CSMD3: variants seen among roughly 807,000 people sequenced by gnomAD.
CSMD3 encodes the protein CUB and sushi domain-containing protein 3.
CSMD3 carries 177 observed loss-of-function variants against 435.2 expected under a neutral mutation model. The observed-to-expected ratio is 0.41, with a 90% CI of 0.36 to 0.46. CSMD3 has a LOEUF of 0.46. Ranked by LOEUF, CSMD3 falls within the 20% of genes least tolerant of loss-of-function variation. The probability of loss-of-function intolerance (pLI) is 0.34; values close to 1 mark genes in which losing one functional copy is unlikely to be tolerated. For synonymous variants in CSMD3, 1,656 were observed against 1,520.5 expected (o/e 1.09, Z -2.07); for missense variants, 4,265 against 4,504.6 (o/e 0.95, Z 1.52).
chr8:112,246,884 T>C (rs1240990602), intron 64 of CSMD3, 136 bp downstream of exon 64: 1 of 705,076 alleles, frequency 1.4e-6, no homozygotes, highest in Non-Finnish European at 2.5e-6. Flanking sequence ...AATAAAATTA[T>C]ATGCATATAA....
At chr8:112,674,044 T>C (rs1007242142) in intron 16 of CSMD3, among the ~76,000 whole-genome samples, 7 of 152,102 alleles carry the variant, frequency 4.6e-5, no homozygotes, top group Non-Finnish European at 1.0e-4. Flanking sequence ...ACTTCTAGTA[T>C]TTAAAAACTT....
At chr8:113,241,147 G>C (rs2093210811) in intron 3 of CSMD3, among the ~76,000 whole-genome samples, 1 of 152,090 alleles carries the variant, frequency 6.6e-6, no homozygotes, top group South Asian at 2.1e-4. Context: ...CTAGAATAAT[G>C]TAAGAAATAT....
chr8:113,122,308 C>A (rs2091007416), intron 4 of CSMD3, among the ~76,000 whole-genome samples: 1 of 152,014 alleles, frequency 6.6e-6, no homozygotes, highest in African/African-American at 2.4e-5. Context: ...CCCAATTACA[C>A]TATGAAAAAG....
intron 1 of CSMD3, among the ~76,000 whole-genome samples, chr8:113,315,534 T>C (rs2093902643): frequency 6.6e-6 from 1 of 151,178 alleles, no homozygotes; most frequent in African/African-American, 2.4e-5. Context: ...TGGAGATACC[T>C]AGAAAACTTA....
chr8:112,351,933 C>A (rs1326390899), intron 39 of CSMD3, among the ~76,000 whole-genome samples: 1 of 151,820 alleles, frequency 6.6e-6, no homozygotes, highest in African/African-American at 2.4e-5. Context: ...TACATAAAAT[C>A]AGAATATACA....
intron 5 of CSMD3, among the ~76,000 whole-genome samples, chr8:113,069,940 GC>G: frequency 6.6e-6 from 1 of 152,192 alleles, no homozygotes; most frequent in East Asian, 1.9e-4. Flanking sequence ...CAAGAGAGGA[GC>G]CAACACTGCA....
intron 3 of CSMD3, among the ~76,000 whole-genome samples, chr8:113,260,892 A>G (rs1330765496): frequency 6.6e-6 from 1 of 152,130 alleles, no homozygotes; most frequent in Admixed American, 6.5e-5. Flanking sequence ...TGTCCCTGCA[A>G]AGGACCTGAA....
chr8:113,268,978 T>C (rs973937025), intron 3 of CSMD3, among the ~76,000 whole-genome samples: 4 of 152,142 alleles, frequency 2.6e-5, no homozygotes, highest in African/African-American at 7.2e-5. Context: ...GGGCAAAAGC[T>C]ATCATGAATT....
In CSMD3 at chr8:112,304,716, C is replaced by T; in HGVS notation, c.8266+5G>A. The T allele has an allele frequency of 6.2e-7, 1 of 1,607,568 alleles. No individual in the cohort carries two copies. Among genetic ancestry groups the T allele is most frequent in the Non-Finnish European group, 8.5e-7 (1 of 1,174,098 alleles). On this transcript the variant is annotated splice_donor_5th_base_variant and intron_variant, in intron 52 of 70. Coordinates refer to ENST00000297405, the MANE Select transcript of CSMD3 (RefSeq NM_198123.2). ...TGAAATAAGTTTAGCAGAGTGTATA[C>T]TTACTTTGGCAATATGGTCTTTCAT...
At chr8:112,234,678 C>A (rs1165800504) in intron 67 of CSMD3, among the ~76,000 whole-genome samples, 1 of 152,106 alleles carries the variant, frequency 6.6e-6, no homozygotes, top group East Asian at 1.9e-4. Context: ...CTTCTGAAAT[C>A]CTCAACTTAT....
Position 112,840,744 on chromosome 8 carries a change from A to T in CSMD3, c.1756-10955T>A, listed in dbSNP as rs546038555. 1.3e-4 allele frequency among the ~76,000 whole-genome samples: 19 copies of T among 151,814 alleles called. No homozygotes were observed. The South Asian group carries it at 3.9e-3, about 32-fold the overall frequency. On this transcript the variant is annotated intron_variant, in intron 11 of 70. Coordinates refer to ENST00000297405, the MANE Select transcript of CSMD3 (RefSeq NM_198123.2). ...AAAAAAAGAGTGAGGAAAGGTAGCT[A>T]TACTACTGTTTCCTATTTTGTGAAC...
intron 22 of CSMD3, among the ~76,000 whole-genome samples, chr8:112,607,985 C>T (rs1448298269): frequency 1.3e-5 from 2 of 152,030 alleles, no homozygotes; most frequent in Non-Finnish European, 2.9e-5. Context: ...AAACCAAAAC[C>T]ATCCGAAACA....
chr8:112,424,091 G>A (rs921038607), intron 32 of CSMD3, among the ~76,000 whole-genome samples: 1 of 152,116 alleles, frequency 6.6e-6, no homozygotes, highest in Non-Finnish European at 1.5e-5. Context: ...TATTCAAAGG[G>A]AAAATGGTTG....
At chr8:113,280,448 C>T (rs1474329847) in intron 2 of CSMD3, among the ~76,000 whole-genome samples, 2 of 151,762 alleles carry the variant, frequency 1.3e-5, no homozygotes, top group Non-Finnish European at 2.9e-5. Flanking sequence ...AGTTTATGTG[C>T]GTAGAGGTGT....
chr8:113,035,966 T>C (rs1431933535), intron 5 of CSMD3, among the ~76,000 whole-genome samples: 1 of 151,960 alleles, frequency 6.6e-6, no homozygotes, highest in Admixed American at 6.6e-5. Context: ...TCCATTCCCA[T>C]AAATAAACTA....
At chr8:112,521,167 TAAAC>T (rs555245682) in intron 27 of CSMD3, among the ~76,000 whole-genome samples, 5 of 152,084 alleles carry the variant, frequency 3.3e-5, no homozygotes, top group African/African-American at 9.6e-5. Flanking sequence ...CCATTTTAAA[TAAAC>T]AAACAAAACT....
At chr8:113,046,715 C>A (rs913836748) in intron 5 of CSMD3, among the ~76,000 whole-genome samples, 1 of 152,164 alleles carries the variant, frequency 6.6e-6, no homozygotes, top group African/African-American at 2.4e-5. Flanking sequence ...TTTATTGATA[C>A]AAGGACAAGA....
At chr8:112,446,586 A>G (rs1316148220) in intron 32 of CSMD3, among the ~76,000 whole-genome samples, 3 of 152,198 alleles carry the variant, frequency 2.0e-5, no homozygotes, top group African/African-American at 7.2e-5. Flanking sequence ...ATTTCTACCT[A>G]TGGCATGAAG....
intron 35 of CSMD3, among the ~76,000 whole-genome samples, chr8:112,393,370 T>C (rs996859563): frequency 3.3e-5 from 5 of 152,186 alleles, no homozygotes; most frequent in Non-Finnish European, 4.4e-5. Flanking sequence ...CCTACCCATC[T>C]ATGGACTTTC....
Sources: gnomAD v4.1 joint callset for allele counts (sites outside exome capture counted in the v4.1 genomes callset) on GRCh38, gnomAD v4.1.1 for gene constraint, MANE v1.5 for transcripts, NCBI Gene and HGNC (gene_info 2026-07-23, HGNC 2026-07-21) for gene names.